POLH: variants seen among roughly 807,000 people sequenced by gnomAD.
The protein encoded by POLH is DNA polymerase eta.
A neutral mutation model predicts 73.6 loss-of-function variants in POLH; 53 were observed. That is an observed-to-expected ratio of 0.72 (90% CI 0.58 to 0.91). The LOEUF is 0.91. POLH is among the 40% of genes least tolerant of loss of function. The probability of loss-of-function intolerance (pLI) is 0.00; values close to 1 mark genes in which losing one functional copy is unlikely to be tolerated. For missense variants in POLH, 768 were observed against 865.4 expected, an observed-to-expected ratio of 0.89 and a Z score of 1.41; for synonymous variants, 292 against 308.5, an observed-to-expected ratio of 0.95 and a Z score of 0.56.
intron 1 of POLH, among the ~76,000 whole-genome samples, chr6:43,581,558 T>C (rs1476530385): frequency 6.6e-6 from 1 of 150,426 alleles, no homozygotes; most frequent in African/African-American, 2.5e-5. Flanking sequence ...CTCCTTGCCC[T>C]CGGGCCCGCG....
In POLH at chr6:43,585,637, C is replaced by CTTTTTTTTTTTTTT. The variant is rs1208848737; in HGVS notation, c.273-1631_273-1618dup. ...GTATGAGTATATTGCTCTTTCTTTT[C>CTTTTTTTTTTTTTT]TTTTTTTTTTTTTTTTTGTGGGTGG... On this transcript the variant is annotated intron_variant, in intron 3 of 10. Transcript: ENST00000372236. Among the ~76,000 whole-genome samples the CTTTTTTTTTTTTTT allele has an allele frequency of 7.8e-4, 84 of 107,396 alleles. 4 individuals carry two copies. The highest frequency in any genetic ancestry group is 4.0e-3 in the African/African-American group (73 of 18,470). 70.5% of individuals were successfully genotyped at this position (107,396 alleles called of 152,430 possible). A position where few individuals can be genotyped will look rare whatever the true frequency, so the allele number is the denominator to read the frequency against.
At chr6:43,599,797 TA>T (rs1302376042) in intron 5 of POLH, among the ~76,000 whole-genome samples, 1 of 151,100 alleles carries the variant, frequency 6.6e-6, no homozygotes, top group African/African-American at 2.4e-5. Flanking sequence ...TAAATTATAT[TA>T]AAAAATTAAA....
intron 4 of POLH, among the ~76,000 whole-genome samples, chr6:43,597,209 G>C (rs1561905636): frequency 6.6e-6 from 1 of 152,060 alleles, no homozygotes; most frequent in Non-Finnish European, 1.5e-5. Context: ...TCCGCCTCCT[G>C]GGTTCAAGCG....
At chr6:43,611,432 G>T (rs1213528981) in intron 10 of POLH, among the ~76,000 whole-genome samples, 1 of 152,132 alleles carries the variant, frequency 6.6e-6, no homozygotes, top group African/African-American at 2.4e-5. Flanking sequence ...TATACCAAAT[G>T]TCATATTCAT....
Position 43,616,054 on chromosome 6 carries a change from C to G in POLH, c.*1497C>G, listed in dbSNP as rs977332216. The stretch of plus-strand genomic sequence containing the variant: ...CTGCAATCCCAGCACTTTGGGAGGC[C>G]GAGGCGGGCGGATCACAAGGTCAGG... On this transcript the variant is annotated 3_prime_UTR_variant, in exon 11 of 11. Transcript: ENST00000372236. Among the ~76,000 whole-genome samples, 1 of 151,902 alleles carries G rather than the reference C, an allele frequency of 6.6e-6. No homozygotes were observed. Among genetic ancestry groups the G allele is most frequent in the Non-Finnish European group, 1.5e-5 (1 of 67,926 alleles).
intron 5 of POLH, 31 bp from the exon 6 acceptor site, chr6:43,600,957 A>G: frequency 7.3e-7 from 1 of 1,374,504 alleles, no homozygotes; most frequent in Non-Finnish European, 1.0e-6. Context: ...GGTTGACAGT[A>G]ATGAGGTTTT....
Position 43,600,580 on chromosome 6 carries a change from TAATC to T in POLH, c.661-405_661-402del, listed in dbSNP as rs538722798. On this transcript the variant is annotated intron_variant, in intron 5 of 10. Coordinates refer to ENST00000372236, the MANE Select transcript of POLH (RefSeq NM_006502.3). Reference sequence around the variant, plus strand: ...TGGGGACTCAAAATGGACCAACTATTAATCAAGAAATGTAAATGGGATAGGGTAA... The same window carrying T: ...TGGGGACTCAAAATGGACCAACTATTAAGAAATGTAAATGGGATAGGGTAA... Among the ~76,000 whole-genome samples, 666 of 152,346 alleles carry T rather than the reference TAATC, an allele frequency of 4.4e-3. 4 individuals are homozygous for T. Among genetic ancestry groups the T allele is most frequent in the African/African-American group, 0.015 (615 of 41,574 alleles).
chr6:43,606,435 C>CTT (rs532899048), intron 9 of POLH, among the ~76,000 whole-genome samples: 1 of 145,884 alleles, frequency 6.9e-6, no homozygotes, highest in African/African-American at 2.5e-5. Flanking sequence ...AGTTTCTCTC[C>CTT]TTTTTTTTTT....
In POLH at chr6:43,619,291, G is replaced by A. The variant is rs192191937; in HGVS notation, c.*4734G>A. ...AGGTTGGGAGGATCACCTGAATCTGGGAGTTTGGGGCTGCAATAAGCCATG... is the reference window on the plus strand; with the variant it reads ...AGGTTGGGAGGATCACCTGAATCTGAGAGTTTGGGGCTGCAATAAGCCATG... On this transcript the variant is annotated 3_prime_UTR_variant, in exon 11 of 11. Transcript: ENST00000372236. Among the ~76,000 whole-genome samples, 181 of 148,982 alleles carry A rather than the reference G, an allele frequency of 1.2e-3. 1 individual carries two copies. Among genetic ancestry groups the A allele is most frequent in the African/African-American group, 4.3e-3 (172 of 40,180 alleles).
chr6:43,583,150 A>G lies in POLH; in HGVS notation c.272+9A>G. The G allele has an allele frequency of 6.2e-7, 1 of 1,613,602 alleles. No individual in the cohort carries two copies. The highest frequency in any genetic ancestry group is 8.5e-7 in the Non-Finnish European group (1 of 1,179,566). ...AAAGCTAACCTCACCAAGTAAGAAA[A>G]AAACATTATTTAAGGAGACATAAAG... On this transcript the variant is annotated intron_variant, in intron 3 of 10. Coordinates refer to ENST00000372236, the MANE Select transcript of POLH (RefSeq NM_006502.3).
At chr6:43,579,746 C>T (rs1002889529) in intron 1 of POLH, among the ~76,000 whole-genome samples, 13 of 152,148 alleles carry the variant, frequency 8.5e-5, no homozygotes, top group Admixed American at 5.9e-4. Flanking sequence ...TGAGATCTGA[C>T]GCTTTCTCCA....
At chr6:43,588,932 G>T (rs1415984190) in intron 4 of POLH, among the ~76,000 whole-genome samples, 32 of 151,972 alleles carry the variant, frequency 2.1e-4, no homozygotes, top group Non-Finnish European at 2.9e-4. Context: ...CCGCCTCCCG[G>T]GTTCACGCCA....
intron 10 of POLH, among the ~76,000 whole-genome samples, chr6:43,612,304 A>C (rs1304729702): frequency 6.6e-6 from 1 of 152,008 alleles, no homozygotes; most frequent in Non-Finnish European, 1.5e-5. Context: ...TTATCTGATT[A>C]TAAGACTGTC....
intron 4 of POLH, among the ~76,000 whole-genome samples, chr6:43,590,299 A>G (rs1382860462): frequency 6.6e-6 from 1 of 151,776 alleles, no homozygotes; most frequent in Non-Finnish European, 1.5e-5. Context: ...AGGAGGATGC[A>G]GTGAGCTGAG....
intron 3 of POLH, among the ~76,000 whole-genome samples, chr6:43,586,465 G>A (rs771127880): frequency 1.3e-5 from 2 of 152,172 alleles, no homozygotes; most frequent in Admixed American, 6.5e-5. Context: ...TGGGAGACAA[G>A]AGCGAGACTT....
chr6:43,578,061 A>G (rs1012121869), intron 1 of POLH, among the ~76,000 whole-genome samples: 2 of 149,554 alleles, frequency 1.3e-5, no homozygotes, highest in African/African-American at 5.0e-5. Context: ...AGCCTGGGTG[A>G]CAGACGGAGA....
At position 43,618,686 on chromosome 6, in the gene POLH, A is replaced by G. The variant is rs1323902177; in HGVS notation, c.*4129A>G. Among the ~76,000 whole-genome samples the G allele has an allele frequency of 6.6e-6, 1 of 152,026 alleles. No individual in the cohort carries two copies. Among genetic ancestry groups the G allele is most frequent in the Non-Finnish European group, 1.5e-5 (1 of 68,000 alleles). ...TCTCTCATCGCCCCGGCTGGAATGCAATGGCACGATCTCGGCTCACTGCAA... is the reference window on the plus strand; with the variant it reads ...TCTCTCATCGCCCCGGCTGGAATGCGATGGCACGATCTCGGCTCACTGCAA... On this transcript the variant is annotated 3_prime_UTR_variant, in exon 11 of 11. Transcript: ENST00000372236.
At chr6:43,597,673 T>C in intron 4 of POLH, 23 bp from the exon 5 acceptor site, 1 of 1,599,292 alleles carries the variant, frequency 6.3e-7, no homozygotes, top group South Asian at 1.1e-5. Context: ...AATGTCTAAA[T>C]GTGAGTTCTT....
At chr6:43,612,703 A>G (rs557728515) in intron 10 of POLH, among the ~76,000 whole-genome samples, 1 of 152,082 alleles carries the variant, frequency 6.6e-6, no homozygotes, top group East Asian at 1.9e-4. Flanking sequence ...TGAAGGACTA[A>G]TCTGTACATA....
Sources: gnomAD v4.1 joint callset for allele counts (sites outside exome capture counted in the v4.1 genomes callset) on GRCh38, gnomAD v4.1.1 for gene constraint, MANE v1.5 for transcripts, NCBI Gene and HGNC (gene_info 2026-07-23, HGNC 2026-07-21) for gene names.